ITGA8: variants seen among roughly 807,000 people sequenced by gnomAD.
ITGA8 encodes the protein integrin alpha-8.
ITGA8 carries 91 observed loss-of-function variants against 142.3 expected under a neutral mutation model. The observed-to-expected ratio is 0.64, with a 90% CI of 0.54 to 0.76. The LOEUF is 0.76. ITGA8 is among the 30% of genes least tolerant of loss of function. ITGA8 has a pLI of 0.00. For missense variants in ITGA8, 1,406 were observed against 1,327.7 expected, an observed-to-expected ratio of 1.06 and a Z score of -0.92; for synonymous variants, 505 against 485.2, an observed-to-expected ratio of 1.04 and a Z score of -0.54.
At chr10:15,636,002 G>T (rs1353652492) in intron 13 of ITGA8, among the ~76,000 whole-genome samples, 2 of 151,866 alleles carry the variant, frequency 1.3e-5, no homozygotes, top group African/African-American at 4.8e-5. Flanking sequence ...TTCATTGAGT[G>T]TAATTGTCTG....
intron 26 of ITGA8, among the ~76,000 whole-genome samples, chr10:15,552,429 C>T (rs941574396): frequency 2.6e-5 from 4 of 152,230 alleles, no homozygotes; most frequent in Admixed American, 2.0e-4. Flanking sequence ...TGAGACACTA[C>T]ACCCTGTCTA....
chr10:15,643,732 T>G (rs1416635277), intron 13 of ITGA8, among the ~76,000 whole-genome samples: 2 of 152,242 alleles, frequency 1.3e-5, no homozygotes, highest in African/African-American at 2.4e-5. Context: ...GCCGCGGTAT[T>G]GAGGAGTTTC....
At chr10:15,603,451 T>C (rs1425423785) in intron 20 of ITGA8, among the ~76,000 whole-genome samples, 1 of 152,242 alleles carries the variant, frequency 6.6e-6, no homozygotes, top group Non-Finnish European at 1.5e-5. Flanking sequence ...AACGTGAAAC[T>C]TGGGCTTTAC....
intron 11 of ITGA8, among the ~76,000 whole-genome samples, chr10:15,651,485 T>C (rs1028014699): frequency 6.6e-6 from 1 of 151,878 alleles, no homozygotes; most frequent in African/African-American, 2.4e-5. Flanking sequence ...CAGAAAAATA[T>C]CAGGGAAAAT....
At chr10:15,645,092 C>CAAAA (rs1168510743) in intron 12 of ITGA8, among the ~76,000 whole-genome samples, 16 of 46,728 alleles carry the variant, frequency 3.4e-4, no homozygotes, top group Non-Finnish European at 3.5e-4. Flanking sequence ...GACTCTGTCT[C>CAAAA]AAAAAAAAAA....
At chr10:15,532,184 C>T (rs1833315993) in intron 27 of ITGA8, among the ~76,000 whole-genome samples, 1 of 151,822 alleles carries the variant, frequency 6.6e-6, no homozygotes, top group Non-Finnish European at 1.5e-5. Flanking sequence ...CTTTCGGAGG[C>T]CAAGGTGGGC....
At chr10:15,668,594 G>C (rs1834443660) in intron 8 of ITGA8, among the ~76,000 whole-genome samples, 3 of 152,262 alleles carry the variant, frequency 2.0e-5, no homozygotes, top group Non-Finnish European at 4.4e-5. Flanking sequence ...CTCGTTAGTT[G>C]ATGCAGTTTC....
chr10:15,644,517 T>G (rs1321605416), intron 12 of ITGA8, among the ~76,000 whole-genome samples: 5 of 127,390 alleles, frequency 3.9e-5, no homozygotes, highest in Non-Finnish European at 8.2e-5. Flanking sequence ...TTTTGAGCAA[T>G]GGGTCCTTGC....
intron 1 of ITGA8, 21 bp downstream of exon 1, chr10:15,719,542 T>G: frequency 6.5e-7 from 1 of 1,534,002 alleles, no homozygotes; most frequent in East Asian, 2.6e-5. Context: ...CGCGCGCACC[T>G]CCCCGGGTCG....
chr10:15,644,814 C>G (rs1029904256), intron 12 of ITGA8, among the ~76,000 whole-genome samples: 8 of 151,714 alleles, frequency 5.3e-5, no homozygotes, highest in African/African-American at 1.9e-4. Context: ...GCCTCCAGGG[C>G]CTGGCGCGGT....
chr10:15,695,115 T>C (rs1221836933), intron 2 of ITGA8, among the ~76,000 whole-genome samples: 1 of 152,178 alleles, frequency 6.6e-6, no homozygotes, highest in African/African-American at 2.4e-5. Flanking sequence ...CATTATAGGA[T>C]GAACTGTGTA....
chr10:15,707,414 G>C (rs369380222), intron 2 of ITGA8, among the ~76,000 whole-genome samples: 26 of 152,280 alleles, frequency 1.7e-4, no homozygotes, highest in African/African-American at 5.3e-4. Context: ...GTAGGAGCTG[G>C]AAAAGGCAAG....
intron 13 of ITGA8, among the ~76,000 whole-genome samples, chr10:15,625,965 G>A (rs1833574469): frequency 6.6e-6 from 1 of 152,192 alleles, no homozygotes; most frequent in South Asian, 2.1e-4. Flanking sequence ...ATAAGAAAAG[G>A]CTACCTGGGA....
intron 13 of ITGA8, among the ~76,000 whole-genome samples, chr10:15,617,534 G>T (rs1429364575): frequency 6.6e-6 from 1 of 152,152 alleles, no homozygotes; most frequent in East Asian, 1.9e-4. Context: ...AAGTAGCTGG[G>T]ACTACAGGCA....
At chr10:15,539,894 A>G (rs1216400097) in intron 27 of ITGA8, among the ~76,000 whole-genome samples, 1 of 152,134 alleles carries the variant, frequency 6.6e-6, no homozygotes, top group African/African-American at 2.4e-5. Flanking sequence ...AGATAATTGA[A>G]TCACAGGGTG....
intron 2 of ITGA8, among the ~76,000 whole-genome samples, chr10:15,704,409 G>C (rs1835220361): frequency 6.6e-6 from 1 of 152,158 alleles, no homozygotes; most frequent in South Asian, 2.1e-4. Flanking sequence ...TCTTTCCAGA[G>C]TTGTTTCTCA....
intron 8 of ITGA8, among the ~76,000 whole-genome samples, chr10:15,661,514 T>C (rs907971610): frequency 4.0e-5 from 5 of 123,818 alleles, no homozygotes; most frequent in Non-Finnish European, 9.4e-5. Flanking sequence ...AGTCATACTT[T>C]GTCATACTTT....
intron 13 of ITGA8, among the ~76,000 whole-genome samples, chr10:15,633,521 C>T (rs1158643521): frequency 6.6e-6 from 1 of 152,086 alleles, no homozygotes; most frequent in East Asian, 1.9e-4. Context: ...GCAACCTCCG[C>T]CTCTCAGGTT....
At chr10:15,631,301 GA>G (rs1833681137) in intron 13 of ITGA8, among the ~76,000 whole-genome samples, 1 of 151,852 alleles carries the variant, frequency 6.6e-6, no homozygotes, top group Non-Finnish European at 1.5e-5. Context: ...CAATAGCAAA[GA>G]CTTGGAACCA....
Sources: allele counts gnomAD v4.1 joint callset (sites outside exome capture counted in the v4.1 genomes callset), GRCh38; gene constraint gnomAD v4.1.1; transcripts MANE v1.5; gene names NCBI Gene and HGNC (gene_info 2026-07-23, HGNC 2026-07-21).